The following ALDH3B1 variants were observed in gnomAD, a reference collection of about 807,000 sequenced individuals.
ALDH3B1 encodes the protein aldehyde dehydrogenase family 3 member B1.
A neutral mutation model predicts 46.2 loss-of-function variants in ALDH3B1; 37 were observed. The ratio of observed to expected loss-of-function variants is 0.80; its 90% CI spans 0.62 to 1.05. The LOEUF (loss-of-function observed/expected upper bound fraction) is 1.05, where lower values mean the gene tolerates loss of function less well. ALDH3B1 is among the 50% of genes least tolerant of loss of function. The probability of loss-of-function intolerance (pLI) is 0.00; values close to 1 mark genes in which losing one functional copy is unlikely to be tolerated. For synonymous variants in ALDH3B1, 283 were observed against 281.0 expected (o/e 1.01, Z -0.07); for missense variants, 603 against 665.5 (o/e 0.91, Z 1.03).
At position 68,019,162 on chromosome 11, in the gene ALDH3B1, C is replaced by T; in HGVS notation, c.395-8C>T. 6.2e-7 allele frequency: 1 copy of T among 1,610,796 alleles called. No individual in the cohort carries two copies. The highest frequency in any genetic ancestry group is 1.3e-5 in the African/African-American group (1 of 75,008). ...CTCCTCCAGCTCTCTCCCTGCACTG[C>T]CCTGCAGGGAACTGTGTGGTGCTGA... is the stretch of plus-strand genomic sequence containing the variant. On this transcript the variant is annotated splice_region_variant and splice_polypyrimidine_tract_variant and intron_variant, in intron 4 of 9. Transcript: ENST00000342456.
intron 8 of ALDH3B1, among the ~76,000 whole-genome samples, chr11:68,023,533 G>A (rs930578135): frequency 2.0e-5 from 3 of 151,992 alleles, no homozygotes. Flanking sequence ...TTGAACTGCT[G>A]ACCTCAGGTG....
At position 68,021,624 on chromosome 11, in the gene ALDH3B1, G is replaced by A. The variant is rs1268441213; in HGVS notation, c.702G>A (p.Trp234Ter). Residue 234 changes from tryptophan (W) to a stop codon, truncating the protein, a stop_gained, in exon 7 of 10, where the codon TGG becomes TGA. Transcript: ENST00000342456. LOFTEE classifies it high-confidence loss of function. ...DPQTVANRVA[W>*]FRYFNAGQTC... ...AGACCGTGGCCAACCGCGTGGCCTG[G>A]TTCCGCTACTTCAACGCCGGCCAGA... The A allele has an allele frequency of 3.7e-6, 6 of 1,613,942 alleles. No homozygotes were observed. Among genetic ancestry groups the A allele is most frequent in the Non-Finnish European group, 3.4e-6 (4 of 1,180,006 alleles).
intron 8 of ALDH3B1, among the ~76,000 whole-genome samples, chr11:68,023,779 C>T (rs1383194776): frequency 4.6e-5 from 7 of 152,036 alleles, no homozygotes; most frequent in African/African-American, 1.7e-4. Flanking sequence ...CGGTGGCTCA[C>T]ACCTGTAATC....
In ALDH3B1 at chr11:68,022,605, G is replaced by C. The variant is rs1211627195; in HGVS notation, c.960G>C (p.Val320=). The C allele has an allele frequency of 6.2e-7, 1 of 1,613,730 alleles. No homozygotes were observed. Among genetic ancestry groups the C allele is most frequent in the South Asian group, 1.1e-5 (1 of 91,066 alleles). ...CTCTGGTGCCTGCAGCCCCCACGGT[G>C]CTGGTGGATGTGCAGGAGATGGAGC... The part of the protein sequence containing the change: ...DESDRYIAPT[V]LVDVQEMEPV... The change falls in exon 8 of 10, where the codon GTG becomes GTC. Residue 320 remains valine (V), a synonymous_variant. Transcript: ENST00000342456.
chr11:68,014,566 C>A (rs1322756029), intron 1 of ALDH3B1, among the ~76,000 whole-genome samples: 6 of 152,174 alleles, frequency 3.9e-5, no homozygotes, highest in African/African-American at 1.4e-4. Flanking sequence ...AACGCCCTCT[C>A]CCCCGCCCTG....
At chr11:68,012,296 C>G (rs565556153) in intron 1 of ALDH3B1, among the ~76,000 whole-genome samples, 3 of 152,198 alleles carry the variant, frequency 2.0e-5, no homozygotes, top group Non-Finnish European at 4.4e-5. Context: ...GCACCCACAG[C>G]GAGCACCCAG....
chr11:68,015,013 C>A, intron 1 of ALDH3B1: 1 of 358,470 alleles, frequency 2.8e-6, no homozygotes, highest in Non-Finnish European at 5.0e-6. Context: ...TCCCCAAGCC[C>A]ACACCCAGTC....
In ALDH3B1 at chr11:68,015,278, A is replaced by T. The variant is rs1857321140; in HGVS notation, c.-1-19A>T. The stretch of plus-strand genomic sequence containing the variant: ...AGGGGCAGCCCTGGCCACCCAGTTC[A>T]TGCCACCCCATCTGGCAGGATGGAC... On this transcript the variant is annotated intron_variant, in intron 1 of 9. Coordinates refer to ENST00000342456, the MANE Select transcript of ALDH3B1 (RefSeq NM_000694.4). The T allele has an allele frequency of 3.0e-5, 44 of 1,463,884 alleles. No homozygotes were observed. Among genetic ancestry groups the T allele is most frequent in the Non-Finnish European group, 3.9e-5 (43 of 1,102,984 alleles). 90.7% of individuals were successfully genotyped at this position (1,463,884 alleles called of 1,614,324 possible). A position where few individuals can be genotyped will look rare whatever the true frequency, so the allele number is the denominator to read the frequency against.
At position 68,021,862 on chromosome 11, in the gene ALDH3B1, C is replaced by G. The variant is rs865916355; in HGVS notation, c.940C>G (p.Arg314Gly). Residue 314 changes from arginine to glycine, a missense_variant, in exon 7 of 10, where the codon CGC becomes GGC. Arg to Gly is a moderately radical substitution (Grantham distance 125). Transcript: ENST00000342456. The stretch of plus-strand genomic sequence containing the variant: ...TGGGGGCCAGAGCGATGAGAGCGAT[C>G]GCTACATCGGTGAGTCCTGCTGCCC... ...AIGGQSDESD[R>G]YIAPTVLVDV... 13 of 1,603,906 alleles carry G rather than the reference C, an allele frequency of 8.1e-6. No individual in the cohort carries two copies. The highest frequency in any genetic ancestry group is 1.1e-5 in the South Asian group (1 of 89,102).
chr11:68,018,489 G>A, intron 2 of ALDH3B1, 38 bp from the exon 3 acceptor site: 2 of 1,506,256 alleles, frequency 1.3e-6, no homozygotes, highest in Non-Finnish European at 1.8e-6. Context: ...CCAACTCTGG[G>A]AATCCTGGCC....
upstream of ALDH3B1, among the ~76,000 whole-genome samples, chr11:68,009,044 T>C (rs535026569): frequency 6.6e-6 from 1 of 152,176 alleles, no homozygotes; most frequent in Non-Finnish European, 1.5e-5. Context: ...CGTGGCATCA[T>C]GACCACGGTC....
chr11:68,013,771 G>A (rs1039634963), intron 1 of ALDH3B1, among the ~76,000 whole-genome samples: 2 of 152,210 alleles, frequency 1.3e-5, no homozygotes, highest in Non-Finnish European at 2.9e-5. Flanking sequence ...GGCTCGAGAG[G>A]CTCGTTCTTG....
chr11:68,022,787 G>A, intron 8 of ALDH3B1, 26 bp downstream of exon 8: 2 of 1,612,900 alleles, frequency 1.2e-6, no homozygotes, highest in Non-Finnish European at 1.7e-6. Context: ...GGCTGGGCAG[G>A]GTCAGGAGCC....
In ALDH3B1 at chr11:68,027,900, G is replaced by A; in HGVS notation, c.1368G>A (p.Val456=). ...CGCGCCGCCTGAGGATGCTGCTGGTGGCCATGGAGGCCCAAGGCTGCAGCT... is the reference window on the plus strand; with the variant it reads ...CGCGCCGCCTGAGGATGCTGCTGGTAGCCATGGAGGCCCAAGGCTGCAGCT... The part of the protein sequence containing the change: ...QSPRRLRMLL[V]AMEAQGCSCT... The change falls in exon 10 of 10, where the codon GTG becomes GTA. Residue 456 remains valine, a synonymous_variant. Coordinates refer to ENST00000342456, the MANE Select transcript of ALDH3B1 (RefSeq NM_000694.4). 6.4e-7 allele frequency: 1 copy of A among 1,559,874 alleles called. No individual in the cohort carries two copies. Among genetic ancestry groups the A allele is most frequent in the Non-Finnish European group, 8.6e-7 (1 of 1,156,190 alleles).
rs1168735235 is a variant in ALDH3B1 at position 68,018,524 on chromosome 11, C to T, written c.163-3C>T. The T allele has an allele frequency of 6.4e-6, 10 of 1,564,398 alleles. No individual in the cohort carries two copies. In the Admixed American group the frequency reaches 9.5e-5, roughly 15 times the overall value. The stretch of plus-strand genomic sequence containing the variant: ...CCACCCTGACCCCACCCACTTCCTG[C>T]AGTCAGCCTTCGAGTCGGAGGTGTC... On this transcript the variant is annotated splice_region_variant and splice_polypyrimidine_tract_variant and intron_variant, in intron 2 of 9. Transcript: ENST00000342456.
At position 68,022,916 on chromosome 11, in the gene ALDH3B1, C is replaced by T. The variant is rs113606778; in HGVS notation, c.1116+155C>T. ...GCCCACTCTCCTGGAAGCAGCTGAG[C>T]CTCACCCACCCCAACCCTGTCCCCA... On this transcript the variant is annotated intron_variant, in intron 8 of 9. Coordinates refer to ENST00000342456, the MANE Select transcript of ALDH3B1 (RefSeq NM_000694.4). Among the ~76,000 whole-genome samples the T allele has an allele frequency of 8.7e-3, 1,325 of 152,280 alleles. 20 individuals are homozygous for T. The highest frequency in any genetic ancestry group is 0.031 in the African/African-American group (1,268 of 41,552).
intron 5 of ALDH3B1, 109 bp from the exon 6 acceptor site, chr11:68,019,606 G>T (rs1857438499): frequency 8.8e-6 from 11 of 1,247,534 alleles, no homozygotes; most frequent in Non-Finnish European, 1.2e-5. Flanking sequence ...CCCTGGCTGG[G>T]TCAGGCCAGG....
intron 9 of ALDH3B1, among the ~76,000 whole-genome samples, chr11:68,026,839 C>T (rs1857636449): frequency 6.6e-6 from 1 of 152,230 alleles, no homozygotes; most frequent in Non-Finnish European, 1.5e-5. Flanking sequence ...TCCTGGAGGG[C>T]AGCCAGGGGC....
chr11:68,024,466 C>A (rs1034014163), intron 8 of ALDH3B1: 7 of 152,224 alleles, frequency 4.6e-5, no homozygotes, highest in Non-Finnish European at 1.0e-4. Context: ...TTTATACATT[C>A]TTTTCTTATT....
Sources: gnomAD v4.1 joint callset for allele counts (sites outside exome capture counted in the v4.1 genomes callset) on GRCh38, gnomAD v4.1.1 for gene constraint, MANE v1.5 for transcripts, NCBI Gene and HGNC (gene_info 2026-07-23, HGNC 2026-07-21) for gene names.